Variants in BBS9 observed in about 807,000 individuals in gnomAD.
The protein encoded by BBS9 is Bardet-Biedl syndrome 9, also known as protein PTHB1.
BBS9 carries 89 observed loss-of-function variants against 117.7 expected under a neutral mutation model. That is an observed-to-expected ratio of 0.76 (90% CI 0.64 to 0.90). The LOEUF (loss-of-function observed/expected upper bound fraction) is 0.90. BBS9 is among the 40% of genes least tolerant of loss of function. BBS9 has a pLI of 0.00. For synonymous variants in BBS9, 379 were observed against 370.9 expected, an observed-to-expected ratio of 1.02 and a Z score of -0.25; for missense variants, 982 against 1,042.2, an observed-to-expected ratio of 0.94 and a Z score of 0.80.
At position 33,416,823 on chromosome 7, in the gene BBS9, T is replaced by C. The variant is rs550530323; in HGVS notation, c.2115+28679T>C. 2.0e-5 allele frequency among the ~76,000 whole-genome samples: 3 copies of C among 152,326 alleles called. No homozygotes were observed. In the East Asian group the frequency reaches 5.8e-4, roughly 29 times the overall value. On this transcript the variant is annotated intron_variant, in intron 19 of 22. Transcript: ENST00000242067. ...GAGGAGGCAGCCAGTTGTCTCCTTT[T>C]AGTGAGCAAAAAATGACTCTGAAGC...
chr7:33,553,243 C>T (rs1004370427), intron 21 of BBS9, among the ~76,000 whole-genome samples: 4 of 152,152 alleles, frequency 2.6e-5, no homozygotes, highest in Admixed American at 6.5e-5. Context: ...ATTGCATCTT[C>T]ATTGTGGGCT....
chr7:33,472,414 C>A (rs1013478106), intron 19 of BBS9, among the ~76,000 whole-genome samples: 14 of 152,130 alleles, frequency 9.2e-5, no homozygotes, highest in African/African-American at 3.1e-4. Flanking sequence ...GCACTGATTT[C>A]TTATGCAATA....
chr7:33,388,100 C>T lies in BBS9; in HGVS notation c.2071C>T (p.Pro691Ser). 1 of 1,614,134 alleles carries T rather than the reference C, an allele frequency of 6.2e-7. No individual in the cohort carries two copies. The highest frequency in any genetic ancestry group is 8.5e-7 in the Non-Finnish European group (1 of 1,179,994). Reference protein sequence around the residue: ...LARFKDKTPAPLQHLDTLLDG... With the variant: ...LARFKDKTPASLQHLDTLLDG... ...AAGATTCAAAGATAAAACTCCTGCC[C>T]CTCTTCAACACCTGGACACCTTGTT... is the stretch of plus-strand genomic sequence containing the variant. Residue 691 changes from proline (P) to serine (S), a missense_variant, in exon 19 of 23, where the codon CCT becomes TCT. Physicochemically the swap from Pro to Ser is moderately conservative, Grantham distance 74 (BLOSUM62 -1). Coordinates refer to ENST00000242067, the MANE Select transcript of BBS9 (RefSeq NM_198428.3).
chr7:33,623,750 G>A (rs1194309555), intron 21 of BBS9, among the ~76,000 whole-genome samples: 1 of 152,132 alleles, frequency 6.6e-6, no homozygotes, highest in Non-Finnish European at 1.5e-5. Context: ...GCAAATTATA[G>A]AATGTATATA....
At chr7:33,263,187 CA>C (rs1326488804) in intron 6 of BBS9, among the ~76,000 whole-genome samples, 2 of 152,134 alleles carry the variant, frequency 1.3e-5, no homozygotes, top group African/African-American at 4.8e-5. Context: ...AGTCATTCTG[CA>C]TTCAACTGAA....
At chr7:33,530,116 T>G (rs557093410) in intron 20 of BBS9, among the ~76,000 whole-genome samples, 2 of 152,240 alleles carry the variant, frequency 1.3e-5, no homozygotes, top group Non-Finnish European at 2.9e-5. Flanking sequence ...TATTTTTATT[T>G]AACAAAACTC....
intron 19 of BBS9, among the ~76,000 whole-genome samples, chr7:33,492,277 T>TA (rs775741882): frequency 7.1e-6 from 1 of 140,614 alleles, no homozygotes; most frequent in Non-Finnish European, 1.5e-5. Context: ...ATAATAATAA[T>TA]AATGTTAACC....
downstream of BBS9, among the ~76,000 whole-genome samples, chr7:33,607,426 A>G (rs575242685): frequency 2.6e-5 from 4 of 152,248 alleles, no homozygotes; most frequent in South Asian, 4.1e-4. Context: ...TAAACACAGG[A>G]TTCAGGTTTT....
At chr7:33,431,490 G>A (rs919770738) in intron 19 of BBS9, among the ~76,000 whole-genome samples, 5 of 152,142 alleles carry the variant, frequency 3.3e-5, no homozygotes, top group African/African-American at 4.8e-5. Context: ...TGGAGCCTTA[G>A]GGAGGTGATT....
chr7:33,176,128 C>T (rs980101094), intron 4 of BBS9, among the ~76,000 whole-genome samples: 6 of 151,996 alleles, frequency 3.9e-5, no homozygotes, highest in Admixed American at 2.0e-4. Flanking sequence ...TTTTAAATGA[C>T]GACCTGTTTT....
intron 2 of BBS9, 38 bp from the exon 3 acceptor site, chr7:33,152,663 T>G (rs1009074155): frequency 6.4e-7 from 1 of 1,568,086 alleles, no homozygotes; most frequent in Admixed American, 1.7e-5. Context: ...CTAATGTTTG[T>G]TTCTCCCTCT....
At chr7:33,445,414 A>G (rs994289564) in intron 19 of BBS9, among the ~76,000 whole-genome samples, 1 of 152,190 alleles carries the variant, frequency 6.6e-6, no homozygotes, top group African/African-American at 2.4e-5. Flanking sequence ...GCAGGAACAC[A>G]TGTATTGCAT....
downstream of BBS9, among the ~76,000 whole-genome samples, chr7:33,610,622 C>A (rs1191840195): frequency 1.3e-5 from 2 of 152,074 alleles, no homozygotes; most frequent in African/African-American, 4.8e-5. Flanking sequence ...GGCCTAATCA[C>A]CTCTTAACAG....
At chr7:33,613,316 C>T (rs1864970689) in intron 21 of BBS9, among the ~76,000 whole-genome samples, 2 of 152,012 alleles carry the variant, frequency 1.3e-5, no homozygotes, top group Admixed American at 1.3e-4. Context: ...CTGTTGTTCC[C>T]TATTGGTTGG....
rs1405625394 is a variant in BBS9, at chr7:33,343,853, T to C, written c.1276-728T>C. 3.0e-5 allele frequency among the ~76,000 whole-genome samples: 4 copies of C among 132,136 alleles called. No individual in the cohort carries two copies. In the East Asian group the frequency reaches 7.7e-4, roughly 26 times the overall value. 86.7% of individuals were successfully genotyped at this position (132,136 alleles called of 152,430 possible). A position where few individuals can be genotyped will look rare whatever the true frequency, so the allele number is the denominator to read the frequency against. ...CAATCTTTATATCATTAGCTGCATGTCTTAGATACATGTTGTTAATCAGAA... is the reference window on the plus strand; with the variant it reads ...CAATCTTTATATCATTAGCTGCATGCCTTAGATACATGTTGTTAATCAGAA... On this transcript the variant is annotated intron_variant, in intron 11 of 22. Coordinates refer to ENST00000242067, the MANE Select transcript of BBS9 (RefSeq NM_198428.3).
At chr7:33,256,178 C>T (rs1042389628) in intron 5 of BBS9, among the ~76,000 whole-genome samples, 9 of 148,894 alleles carry the variant, frequency 6.0e-5, no homozygotes, top group African/African-American at 2.2e-4. Context: ...AAAAAACAAA[C>T]AAAAAAAACC....
At chr7:33,327,592 C>T (rs549962944) in intron 9 of BBS9, among the ~76,000 whole-genome samples, 79 of 152,218 alleles carry the variant, frequency 5.2e-4, no homozygotes, top group African/African-American at 1.6e-3. Context: ...CCAGCTACTT[C>T]GGAAGCTGAG....
At chr7:33,630,065 T>G (rs1387688501) in intron 21 of BBS9, among the ~76,000 whole-genome samples, 1 of 151,210 alleles carries the variant, frequency 6.6e-6, no homozygotes, top group Admixed American at 6.6e-5. Context: ...CATTTTTTTT[T>G]GTAATGTGCC....
rs117382455 is a variant in BBS9 at position 33,633,875 on chromosome 7, C to T, written c.2522-1302C>T. Among the ~76,000 whole-genome samples, 450 of 152,288 alleles carry T rather than the reference C, an allele frequency of 3.0e-3. 3 individuals are homozygous for T. Among genetic ancestry groups the T allele is most frequent in the East Asian group, 0.021 (111 of 5,172 alleles). On this transcript the variant is annotated intron_variant, in intron 21 of 21. Transcript: ENST00000671952. ...TCACTTGGACATCAGAACTGTTTCC[C>T]TATCCAGCCCTCTTTGCTCTCTGCC...
Sources: allele counts gnomAD v4.1 joint callset (sites outside exome capture counted in the v4.1 genomes callset), GRCh38; gene constraint gnomAD v4.1.1; transcripts MANE v1.5; gene names NCBI Gene and HGNC (gene_info 2026-07-23, HGNC 2026-07-21).